Variants in PEX5L observed in about 807,000 individuals in gnomAD.
The protein encoded by PEX5L is peroxisomal biogenesis factor 5 like.
PEX5L carries 30 observed loss-of-function variants against 84.0 expected under a neutral mutation model. That is an observed-to-expected ratio of 0.36 (90% CI 0.27 to 0.48). PEX5L has a LOEUF of 0.48. Ranked by LOEUF, PEX5L falls within the 20% of genes least tolerant of loss-of-function variation. PEX5L has a pLI of 0.99. For missense variants in PEX5L, 533 were observed against 754.6 expected, an observed-to-expected ratio of 0.71 and a Z score of 3.44; for synonymous variants, 270 against 283.1, an observed-to-expected ratio of 0.95 and a Z score of 0.46.
At chr3:179,950,967 A>T (rs1778933326) in intron 2 of PEX5L, among the ~76,000 whole-genome samples, 1 of 152,204 alleles carries the variant, frequency 6.6e-6, no homozygotes, top group African/African-American at 2.4e-5. Context: ...TTGCACTGAA[A>T]CAATGAACTC....
chr3:179,984,275 G>A (rs1020728214), intron 1 of PEX5L, among the ~76,000 whole-genome samples: 2 of 152,006 alleles, frequency 1.3e-5, no homozygotes, highest in African/African-American at 4.8e-5. Context: ...AGATATGATA[G>A]TCTAATTTTC....
At chr3:179,999,848 C>T (rs757300684) in intron 1 of PEX5L, among the ~76,000 whole-genome samples, 5 of 152,090 alleles carry the variant, frequency 3.3e-5, no homozygotes, top group Non-Finnish European at 7.4e-5. Context: ...CTGAAGCAGC[C>T]GGATTGACAG....
At chr3:180,003,131 A>AAG (rs1194079544) in intron 1 of PEX5L, among the ~76,000 whole-genome samples, 1 of 152,196 alleles carries the variant, frequency 6.6e-6, no homozygotes, top group Non-Finnish European at 1.5e-5. Flanking sequence ...GCCTGACTTC[A>AAG]AATACCCTAT....
rs987826451 is a variant in PEX5L at position 179,836,563 on chromosome 3, C to T, written c.823-16587G>A. 2.0e-5 allele frequency among the ~76,000 whole-genome samples: 3 copies of T among 152,032 alleles called. No individual in the cohort carries two copies. In the East Asian group the frequency reaches 5.8e-4, roughly 29 times the overall value. On this transcript the variant is annotated intron_variant, in intron 8 of 14. Coordinates refer to ENST00000467460, the MANE Select transcript of PEX5L (RefSeq NM_016559.3). ...ATCCCCAAACAGGCCTCTTTTGGGTCCCTGTTTCTGTTTTCTTTAGCCTCT... is the reference window on the plus strand; with the variant it reads ...ATCCCCAAACAGGCCTCTTTTGGGTTCCTGTTTCTGTTTTCTTTAGCCTCT...
intron 2 of PEX5L, among the ~76,000 whole-genome samples, chr3:179,922,891 A>G (rs1233554799): frequency 6.6e-6 from 1 of 152,250 alleles, no homozygotes; most frequent in African/African-American, 2.4e-5. Flanking sequence ...CTTGCCTTTC[A>G]TGAAAAAGAA....
chr3:179,943,375 T>A (rs1268518675), intron 2 of PEX5L, among the ~76,000 whole-genome samples: 5 of 152,240 alleles, frequency 3.3e-5, no homozygotes, highest in Admixed American at 3.3e-4. Flanking sequence ...TAATCACATC[T>A]ACTTCCTCAT....
At chr3:179,922,305 T>G (rs1769707193) in intron 2 of PEX5L, among the ~76,000 whole-genome samples, 1 of 152,142 alleles carries the variant, frequency 6.6e-6, no homozygotes, top group Admixed American at 6.5e-5. Context: ...TAAATGCCAT[T>G]AAGGAGAAAG....
chr3:179,977,437 A>T (rs1317412155), intron 1 of PEX5L, among the ~76,000 whole-genome samples: 1 of 150,860 alleles, frequency 6.6e-6, no homozygotes, highest in African/African-American at 2.4e-5. Context: ...TTTCCTCTTG[A>T]CTCTCCCTTA....
At chr3:179,898,918 T>C (rs1351190081) in intron 2 of PEX5L, among the ~76,000 whole-genome samples, 1 of 152,022 alleles carries the variant, frequency 6.6e-6, no homozygotes. Flanking sequence ...ACCCCATAAA[T>C]ACAGACATAA....
intron 8 of PEX5L, among the ~76,000 whole-genome samples, chr3:179,844,761 C>A (rs1338161270): frequency 1.3e-5 from 2 of 152,110 alleles, no homozygotes; most frequent in Non-Finnish European, 2.9e-5. Context: ...ACCCGGGAGG[C>A]AGAGCTTGCA....
intron 2 of PEX5L, chr3:179,902,612 A>G (rs1281182378): frequency 2.2e-6 from 1 of 454,512 alleles, no homozygotes; most frequent in Non-Finnish European, 4.4e-6. Context: ...GCATCTCTCT[A>G]ATTCTTATTA....
intron 11 of PEX5L, among the ~76,000 whole-genome samples, chr3:179,810,919 G>T (rs1723508229): frequency 6.6e-6 from 1 of 152,132 alleles, no homozygotes; most frequent in South Asian, 2.1e-4. Context: ...ATGTGGAGTT[G>T]GGAGATGAGG....
chr3:179,947,905 A>C (rs991356430), intron 2 of PEX5L, among the ~76,000 whole-genome samples: 5 of 151,886 alleles, frequency 3.3e-5, no homozygotes, highest in Non-Finnish European at 5.9e-5. Context: ...ACAGTGTTTC[A>C]CCGTGTTAGC....
At position 179,883,148 on chromosome 3, in the gene PEX5L, G is replaced by A. The variant is rs530066246; in HGVS notation, c.311-3025C>T. Among the ~76,000 whole-genome samples the A allele has an allele frequency of 5.3e-5, 8 of 151,942 alleles. No individual in the cohort carries two copies. The East Asian group carries it at 1.4e-3, about 26-fold the overall frequency. ...AGTGTGTGCGTGTGTGTATGCACAT[G>A]TGTGTGTATGCGTGTGATAGTGTAG... On this transcript the variant is annotated intron_variant, in intron 4 of 14. Coordinates refer to ENST00000467460, the MANE Select transcript of PEX5L (RefSeq NM_016559.3).
chr3:179,820,393 A>G (rs1728020102), intron 8 of PEX5L: 1 of 170,154 alleles, frequency 5.9e-6, no homozygotes, highest in East Asian at 1.6e-4. Flanking sequence ...TATGGACAAG[A>G]GAATGAAACA....
At chr3:179,879,890 G>T in intron 5 of PEX5L, 39 bp downstream of exon 5, 7 of 1,408,592 alleles carry the variant, frequency 5.0e-6, no homozygotes, top group Non-Finnish European at 6.7e-6. Context: ...CATCAGCAGA[G>T]CAAGGTTGAG....
intron 2 of PEX5L, among the ~76,000 whole-genome samples, chr3:179,953,067 G>C (rs897558612): frequency 6.6e-6 from 1 of 151,940 alleles, no homozygotes; most frequent in Non-Finnish European, 1.5e-5. Context: ...AACTGAAACT[G>C]AACCCCTTCC....
chr3:179,946,486 C>T (rs565507341), intron 2 of PEX5L, among the ~76,000 whole-genome samples: 9 of 151,924 alleles, frequency 5.9e-5, no homozygotes, highest in African/African-American at 1.2e-4. Flanking sequence ...AAAACATATG[C>T]GATAGAGAAG....
chr3:179,840,118 A>G (rs1467783433), intron 8 of PEX5L, among the ~76,000 whole-genome samples: 1 of 146,174 alleles, frequency 6.8e-6, no homozygotes, highest in East Asian at 2.0e-4. Context: ...AGAATTTTGC[A>G]TCTTGTTTTA....
Sources: gnomAD v4.1 joint callset for allele counts (sites outside exome capture counted in the v4.1 genomes callset) on GRCh38, gnomAD v4.1.1 for gene constraint, MANE v1.5 for transcripts, NCBI Gene and HGNC (gene_info 2026-07-23, HGNC 2026-07-21) for gene names.